The following CCDC14 variants were observed in gnomAD, a reference collection of about 807,000 sequenced individuals.
The protein encoded by CCDC14 is coiled-coil domain containing 14, also known as coiled-coil domain-containing protein 14.
A neutral mutation model predicts 81.4 loss-of-function variants in CCDC14; 71 were observed. That is an observed-to-expected ratio of 0.87 (90% CI 0.72 to 1.06). The LOEUF (loss-of-function observed/expected upper bound fraction) is 1.06. Ranked by LOEUF, CCDC14 falls within the 50% of genes least tolerant of loss-of-function variation. The pLI is 0.00. For synonymous variants in CCDC14, 332 were observed against 364.8 expected (o/e 0.91, Z 1.03); for missense variants, 1,046 against 1,047.3 (o/e 1.00, Z 0.02).
At chr3:123,916,679 T>C (rs2034719861) in intron 12 of CCDC14, among the ~76,000 whole-genome samples, 1 of 152,118 alleles carries the variant, frequency 6.6e-6, no homozygotes, top group African/African-American at 2.4e-5. Context: ...CCTTTCTGAA[T>C]CTCTAGTTCC....
intron 9 of CCDC14, among the ~76,000 whole-genome samples, chr3:123,935,604 C>T (rs750809568): frequency 5.3e-5 from 8 of 152,186 alleles, no homozygotes; most frequent in Non-Finnish European, 8.8e-5. Flanking sequence ...CTTGTACTGA[C>T]GTGAAAAGAT....
chr3:123,917,933 A>G (rs961936957), intron 12 of CCDC14, among the ~76,000 whole-genome samples: 11 of 152,168 alleles, frequency 7.2e-5, no homozygotes, highest in Non-Finnish European at 1.2e-4. Flanking sequence ...ATGGACATAT[A>G]TATCTTTATC....
intron 12 of CCDC14, among the ~76,000 whole-genome samples, chr3:123,918,772 A>G (rs1395741629): frequency 6.6e-6 from 1 of 152,272 alleles, no homozygotes; most frequent in East Asian, 1.9e-4. Flanking sequence ...GGAAAACAAA[A>G]AAGAGGGATA....
At chr3:123,887,017 T>C in the CCDC14 span, among the ~76,000 whole-genome samples, 1 of 152,158 alleles carries the variant, frequency 6.6e-6, no homozygotes. Flanking sequence ...CTAATTTGCT[T>C]TAGTTTGCAT....
chr3:123,949,432 T>G (rs1032456062), intron 5 of CCDC14: 1 of 328,886 alleles, frequency 3.0e-6, no homozygotes, highest in Non-Finnish European at 5.6e-6. Context: ...AAGGGAGTTA[T>G]ATTATCCCTA....
chr3:123,905,986 A>C (rs1243076625), intron 5 of CCDC14, among the ~76,000 whole-genome samples: 1 of 152,264 alleles, frequency 6.6e-6, no homozygotes, highest in Non-Finnish European at 1.5e-5. Flanking sequence ...AACTCAACAC[A>C]TGAATTTATC....
intron 7 of CCDC14, among the ~76,000 whole-genome samples, 155 bp downstream of exon 7, chr3:123,948,536 C>T (rs747924260): frequency 4.2e-4 from 64 of 152,088 alleles, no homozygotes; most frequent in Non-Finnish European, 6.6e-4. Context: ...CCACGGCGCT[C>T]GGCCATAAAC....
chr3:123,887,490 A>AAAAC, the CCDC14 span, among the ~76,000 whole-genome samples: 1 of 151,310 alleles, frequency 6.6e-6, no homozygotes, highest in African/African-American at 2.4e-5. Flanking sequence ...CAAAAAAAAA[A>AAAAC]AACACAAAAT....
chr3:123,931,199 G>C lies in CCDC14; in HGVS notation c.1681C>G (p.Gln561Glu). 1 of 1,612,038 alleles carries C rather than the reference G, an allele frequency of 6.2e-7. No individual in the cohort carries two copies. The highest frequency in any genetic ancestry group is 8.5e-7 in the Non-Finnish European group (1 of 1,179,366). ...TTTTCAGCAGTTTCTAACTTAAACT[G>C]GGAGCTTTTCACATTGACTAGGGCT... ...EEALVNVKSS[Q>E]FKLETAEKEN... Residue 561 changes from glutamine (Q) to glutamate (E), a missense_variant, in exon 12 of 13, where the codon CAG becomes GAG. Gln to Glu is a conservative substitution (Grantham distance 29). Transcript: ENST00000409697.
chr3:123,912,382 T>C (rs1577212189), downstream of CCDC14, among the ~76,000 whole-genome samples: 1 of 152,162 alleles, frequency 6.6e-6, no homozygotes, highest in Non-Finnish European at 1.5e-5. Context: ...TGGACTCTCC[T>C]CGCCTTTTTA....
rs1195809475 is a variant in CCDC14, at chr3:123,913,883, G to A, written c.*896C>T. ...AAGGGAGATGATACTGAGCTAAGAAGTCCTGGTATAGAGAAGCAGAGAGAC... is the reference window on the plus strand; with the variant it reads ...AAGGGAGATGATACTGAGCTAAGAAATCCTGGTATAGAGAAGCAGAGAGAC... On this transcript the variant is annotated 3_prime_UTR_variant, in exon 13 of 13. Coordinates refer to ENST00000409697, the MANE Select transcript of CCDC14 (RefSeq NM_001366335.1). 1 of 985,222 alleles carries A rather than the reference G, an allele frequency of 1.0e-6. No individual in the cohort carries two copies. The highest frequency in any genetic ancestry group is 1.2e-6 in the Non-Finnish European group (1 of 829,890). 61.0% of individuals were successfully genotyped at this position (985,222 alleles called of 1,614,324 possible).
chr3:123,924,004 T>G (rs1044361895), intron 12 of CCDC14, among the ~76,000 whole-genome samples: 2 of 147,910 alleles, frequency 1.4e-5, no homozygotes, highest in Admixed American at 6.7e-5. Flanking sequence ...AAAAATATCT[T>G]AAGTAAAAAG....
At chr3:123,917,757 A>G in intron 12 of CCDC14, among the ~76,000 whole-genome samples, 1 of 152,076 alleles carries the variant, frequency 6.6e-6, no homozygotes, top group Non-Finnish European at 1.5e-5. Context: ...CAGTGGTATA[A>G]CTCTTCTGGA....
chr3:123,908,932 T>A (rs1049392661), downstream of CCDC14, among the ~76,000 whole-genome samples: 9 of 152,190 alleles, frequency 5.9e-5, no homozygotes, highest in African/African-American at 1.4e-4. Flanking sequence ...TATCCTAAGA[T>A]GGCAAGTCTA....
At chr3:123,917,367 C>T (rs1213032390) in intron 12 of CCDC14, among the ~76,000 whole-genome samples, 1 of 151,332 alleles carries the variant, frequency 6.6e-6, no homozygotes. Flanking sequence ...TGGTGATGTG[C>T]GCCTGTGATC....
intron 12 of CCDC14, among the ~76,000 whole-genome samples, chr3:123,927,702 TATCTA>T (rs1488640364): frequency 1.3e-5 from 2 of 152,148 alleles, no homozygotes; most frequent in African/African-American, 4.8e-5. Context: ...CAAAAGTCTG[TATCTA>T]ATATTCTAGA....
intron 5 of CCDC14, among the ~76,000 whole-genome samples, chr3:123,951,048 C>T (rs2036989240): frequency 6.6e-6 from 1 of 152,140 alleles, no homozygotes; most frequent in South Asian, 2.1e-4. Context: ...TTCAGATGAT[C>T]TACTCCTATA....
At chr3:123,926,857 A>G (rs1340524357) in intron 12 of CCDC14, among the ~76,000 whole-genome samples, 4 of 152,204 alleles carry the variant, frequency 2.6e-5, no homozygotes, top group Non-Finnish European at 5.9e-5. Context: ...TACCAAAACC[A>G]TATGCCTATC....
the CCDC14 span, among the ~76,000 whole-genome samples, chr3:123,889,670 T>C: frequency 6.6e-6 from 1 of 152,196 alleles, no homozygotes; most frequent in Non-Finnish European, 1.5e-5. Flanking sequence ...TCCAGGTGCA[T>C]GGTGCAAACT....
Sources: gnomAD v4.1 joint callset for allele counts (sites outside exome capture counted in the v4.1 genomes callset) on GRCh38, gnomAD v4.1.1 for gene constraint, MANE v1.5 for transcripts, NCBI Gene and HGNC (gene_info 2026-07-23, HGNC 2026-07-21) for gene names.